MOXD1: variants seen among roughly 807,000 people sequenced by gnomAD.
The protein encoded by MOXD1 is DBH-like monooxygenase protein 1.
Under a neutral mutation model 66.6 loss-of-function variants are expected in MOXD1, and 62 were observed. That is an observed-to-expected ratio of 0.93 (90% CI 0.76 to 1.15). MOXD1 has a LOEUF of 1.15. Among genes scored for constraint, MOXD1 ranks in the 50% most tolerant of loss-of-function variants. The pLI, the probability that MOXD1 is intolerant of heterozygous loss-of-function variation, is 0.00. For synonymous variants in MOXD1, 303 were observed against 281.9 expected, an observed-to-expected ratio of 1.07 and a Z score of -0.75; for missense variants, 847 against 754.6, an observed-to-expected ratio of 1.12 and a Z score of -1.44.
intron 4 of MOXD1, among the ~76,000 whole-genome samples, chr6:132,368,127 C>T (rs1040250194): frequency 6.6e-6 from 1 of 151,974 alleles, no homozygotes; most frequent in Admixed American, 6.6e-5. Flanking sequence ...AAAAAAGCAG[C>T]GTGTTAAGCC....
At chr6:132,382,884 C>G (rs537494748) in intron 1 of MOXD1, among the ~76,000 whole-genome samples, 112 of 152,274 alleles carry the variant, frequency 7.4e-4, no homozygotes, top group Middle Eastern at 6.8e-3. Flanking sequence ...CATGATGACA[C>G]AGATGTTAAA....
intron 4 of MOXD1, among the ~76,000 whole-genome samples, chr6:132,371,865 C>T (rs887791343): frequency 1.3e-5 from 2 of 152,316 alleles, no homozygotes; most frequent in Admixed American, 1.3e-4. Context: ...TCTGTATGCA[C>T]TATTTAATTC....
Position 132,401,353 on chromosome 6 carries a change from T to C in MOXD1, c.74A>G (p.Tyr25Cys). The C allele has an allele frequency of 6.4e-7, 1 of 1,568,816 alleles. No homozygotes were observed. The highest frequency in any genetic ancestry group is 8.6e-7 in the Non-Finnish European group (1 of 1,163,180). Residue 25 changes from tyrosine (Y) to cysteine (C), a missense_variant, in exon 1 of 12, where the codon TAT (tyrosine) becomes TGT (cysteine). Coordinates refer to ENST00000367963, the MANE Select transcript of MOXD1 (RefSeq NM_015529.4). ...CGAGTCCAGGAGGGTCCGGTGCGGA[T>C]AGGTTCGGCCCGAGCCCCCCGCCGC... Reference protein sequence around the residue: ...GTAAGGSGRTYPHRTLLDSEG... With the variant: ...GTAAGGSGRTCPHRTLLDSEG...
intron 4 of MOXD1, among the ~76,000 whole-genome samples, chr6:132,366,177 A>C (rs1280624755): frequency 6.6e-6 from 1 of 152,158 alleles, no homozygotes; most frequent in Non-Finnish European, 1.5e-5. Flanking sequence ...AAGTATTTTC[A>C]CGTAAGATAG....
chr6:132,399,165 G>A (rs1206801734), intron 1 of MOXD1, among the ~76,000 whole-genome samples: 3 of 152,018 alleles, frequency 2.0e-5, no homozygotes, highest in Non-Finnish European at 4.4e-5. Flanking sequence ...CAGATTTTAA[G>A]TTAACTGTCT....
In MOXD1 at chr6:132,303,702, TATAC is replaced by T. The variant is rs1250467874; in HGVS notation, c.1509-5751_1509-5748del. Among the ~76,000 whole-genome samples the T allele has an allele frequency of 2.0e-3, 144 of 72,190 alleles. 3 individuals carry two copies. The highest frequency in any genetic ancestry group is 2.6e-3 in the Admixed American group (22 of 8,528). 47.4% of individuals were successfully genotyped at this position (72,190 alleles called of 152,430 possible). On this transcript the variant is annotated intron_variant, in intron 10 of 11. Coordinates refer to ENST00000367963, the MANE Select transcript of MOXD1 (RefSeq NM_015529.4). ...ATCTGGGAAAGCAGAGGGCTGACTGTATACATACACACACACACACACACACACA... is the reference window on the plus strand; with the variant it reads ...ATCTGGGAAAGCAGAGGGCTGACTGTATACACACACACACACACACACACA...
At chr6:132,354,774 T>G (rs1775878529) in intron 4 of MOXD1, among the ~76,000 whole-genome samples, 2 of 151,894 alleles carry the variant, frequency 1.3e-5, no homozygotes, top group Admixed American at 1.3e-4. Context: ...GCCCATCAGG[T>G]GGGGGCAGGG....
intron 10 of MOXD1, among the ~76,000 whole-genome samples, chr6:132,305,228 C>T (rs1774661485): frequency 6.6e-6 from 1 of 152,240 alleles, no homozygotes; most frequent in Admixed American, 6.5e-5. Context: ...CCCCACAGCC[C>T]AACACACTGG....
intron 4 of MOXD1, among the ~76,000 whole-genome samples, chr6:132,343,076 A>G (rs565935469): frequency 3.3e-5 from 5 of 152,352 alleles, no homozygotes; most frequent in East Asian, 1.9e-4. Flanking sequence ...CCATCCTCCT[A>G]TCCTGGGGAA....
In MOXD1 at chr6:132,315,707, C is replaced by T. The variant is rs751748575; in HGVS notation, c.1436G>A (p.Arg479Gln). 10 of 1,613,288 alleles carry T rather than the reference C, an allele frequency of 6.2e-6. No individual in the cohort carries two copies. The highest frequency in any genetic ancestry group is 2.2e-5 in the South Asian group (2 of 91,030). Reference protein sequence around the residue: ...LLYYPRINLTRCASIPDIMEQ... With the variant: ...LLYYPRINLTQCASIPDIMEQ... ...CATAATGTCTGGAATACTTGCACAT[C>T]GAGTAAGATTAATTCTTGGGTAATA... Residue 479 changes from arginine to glutamine, a missense_variant, in exon 10 of 12, where the codon CGA becomes CAA. Coordinates refer to ENST00000367963, the MANE Select transcript of MOXD1 (RefSeq NM_015529.4).
chr6:132,326,972 A>G (rs1226912458), intron 6 of MOXD1, among the ~76,000 whole-genome samples: 1 of 152,180 alleles, frequency 6.6e-6, no homozygotes, highest in Non-Finnish European at 1.5e-5. Flanking sequence ...CACTGTATCA[A>G]ACTCTTCAAT....
rs1274118750 is a variant in MOXD1, at chr6:132,315,693, G to T, written c.1450C>A (p.Pro484Thr). The change falls in exon 10 of 12, where the codon CCA becomes ACA. Residue 484 changes from proline (P) to threonine (T), a missense_variant. Pro to Thr is a conservative substitution (Grantham distance 38, BLOSUM62 -1). Transcript: ENST00000367963. ...AACTGAAGTTGTTCCATAATGTCTG[G>T]AATACTTGCACATCGAGTAAGATTA... The part of the protein sequence containing the change: ...RINLTRCASI[P>T]DIMEQLQFIG... 1.9e-6 allele frequency: 3 copies of T among 1,613,476 alleles called. No individual in the cohort carries two copies. In the Admixed American group the frequency reaches 5.0e-5, roughly 27 times the overall value.
intron 4 of MOXD1, among the ~76,000 whole-genome samples, chr6:132,355,518 T>C (rs1775893995): frequency 6.6e-6 from 1 of 152,178 alleles, no homozygotes; most frequent in African/African-American, 2.4e-5. Context: ...TCAAGTGGCC[T>C]TACAGTTTCT....
intron 10 of MOXD1, among the ~76,000 whole-genome samples, chr6:132,305,721 G>A (rs1259109785): frequency 1.3e-5 from 2 of 152,126 alleles, no homozygotes; most frequent in Admixed American, 1.3e-4. Flanking sequence ...CAGATGAATA[G>A]GGCCTGAAGT....
At chr6:132,355,695 A>AGCTGCATACCCAACCCAAGCTG (rs1775897481) in intron 4 of MOXD1, among the ~76,000 whole-genome samples, 1 of 152,158 alleles carries the variant, frequency 6.6e-6, no homozygotes, top group Non-Finnish European at 1.5e-5. Flanking sequence ...ACTATTAGAA[A>AGCTGCATACCCAACCCAAGCTG]GCTGCATACC....
chr6:132,315,073 G>A (rs1774911641), intron 10 of MOXD1, among the ~76,000 whole-genome samples: 1 of 152,152 alleles, frequency 6.6e-6, no homozygotes. Context: ...TGCCTATACT[G>A]TGCAAACAAT....
chr6:132,352,659 T>C (rs183925956), intron 4 of MOXD1, among the ~76,000 whole-genome samples: 10 of 152,272 alleles, frequency 6.6e-5, no homozygotes, highest in Middle Eastern at 6.8e-3. Flanking sequence ...ATTTGTTCCA[T>C]GGTATAGTTT....
intron 4 of MOXD1, among the ~76,000 whole-genome samples, chr6:132,356,802 T>C (rs1367396578): frequency 1.3e-5 from 2 of 152,066 alleles, no homozygotes. Context: ...ATAAAAGAGA[T>C]TAACCCAAAA....
intron 1 of MOXD1, among the ~76,000 whole-genome samples, chr6:132,384,582 G>A (rs1204798170): frequency 6.6e-6 from 1 of 152,226 alleles, no homozygotes; most frequent in East Asian, 1.9e-4. Flanking sequence ...CAGGGTGAGT[G>A]ATCAGAAAAG....
Sources: gnomAD v4.1 joint callset for allele counts (sites outside exome capture counted in the v4.1 genomes callset) on GRCh38, gnomAD v4.1.1 for gene constraint, MANE v1.5 for transcripts, NCBI Gene and HGNC (gene_info 2026-07-23, HGNC 2026-07-21) for gene names.